Variants in MTA3 observed in about 807,000 individuals in gnomAD.
The protein encoded by MTA3 is metastasis associated 1 family member 3.
In MTA3, 34 loss-of-function variants were observed where a neutral mutation model predicts 83.5. The observed-to-expected ratio is 0.41, with a 90% CI of 0.31 to 0.54. MTA3 has a LOEUF of 0.54. Among genes scored for constraint, MTA3 ranks in the 20% least tolerant of loss-of-function variants. The pLI is 0.33. For synonymous variants in MTA3, 303 were observed against 252.7 expected (o/e 1.20, Z -1.89); for missense variants, 761 against 726.4 (o/e 1.05, Z -0.55).
At chr2:42,560,567 A>G (rs971360765) in intron 2 of MTA3, among the ~76,000 whole-genome samples, 1 of 151,370 alleles carries the variant, frequency 6.6e-6, no homozygotes, top group East Asian at 1.9e-4. Context: ...AAAAAACAAA[A>G]AACAACAAAA....
chr2:42,500,581 T>G (rs1319076348), intron 2 of MTA3, among the ~76,000 whole-genome samples: 2 of 151,922 alleles, frequency 1.3e-5, no homozygotes, highest in Non-Finnish European at 2.9e-5. Flanking sequence ...AACGTAAAAG[T>G]TCTCAGATAT....
At chr2:42,514,688 T>TTTTTTTTTTTTTTTTTTG (rs1675059432) in intron 2 of MTA3, among the ~76,000 whole-genome samples, 1 of 122,838 alleles carries the variant, frequency 8.1e-6, no homozygotes, top group Admixed American at 8.4e-5. Context: ...GCCCCTTTTT[T>TTTTTTTTTTTTTTTTTTG]TTTTTTTTTT....
chr2:42,531,044 G>C (rs1675940904), intron 2 of MTA3, among the ~76,000 whole-genome samples: 1 of 152,134 alleles, frequency 6.6e-6, no homozygotes, highest in Non-Finnish European at 1.5e-5. Flanking sequence ...TGGCCAGGCT[G>C]GTCCTGAACT....
chr2:42,627,177 A>C (rs1048957216), intron 4 of MTA3, among the ~76,000 whole-genome samples: 7 of 152,074 alleles, frequency 4.6e-5, no homozygotes, highest in Non-Finnish European at 8.8e-5. Flanking sequence ...TCCTGGGCTC[A>C]AGCGATCCTC....
At chr2:42,626,859 G>A (rs758600537) in intron 4 of MTA3, among the ~76,000 whole-genome samples, 6 of 151,802 alleles carry the variant, frequency 4.0e-5, no homozygotes, top group Non-Finnish European at 8.8e-5. Context: ...TTGTGCCTCA[G>A]CCTCCCAAGT....
intron 2 of MTA3, chr2:42,511,777 G>A (rs892548934): frequency 2.6e-5 from 4 of 152,188 alleles, no homozygotes; most frequent in African/African-American, 9.7e-5. Flanking sequence ...CCAGCACTTT[G>A]GGAGGCTAAG....
intron 2 of MTA3, among the ~76,000 whole-genome samples, chr2:42,512,958 T>G (rs1364049656): frequency 6.6e-6 from 1 of 152,198 alleles, no homozygotes; most frequent in Admixed American, 6.5e-5. Context: ...ACTCCAATTT[T>G]AATGGCACCA....
At chr2:42,710,654 T>C (rs1422581970) in intron 14 of MTA3, among the ~76,000 whole-genome samples, 1 of 152,004 alleles carries the variant, frequency 6.6e-6, no homozygotes, top group African/African-American at 2.4e-5. Context: ...TTTAGGCTTA[T>C]ATTTAGGTTT....
At chr2:42,712,330 C>T (rs1224746905) in intron 14 of MTA3, among the ~76,000 whole-genome samples, 5 of 151,978 alleles carry the variant, frequency 3.3e-5, no homozygotes, top group Non-Finnish European at 7.4e-5. Context: ...CGGTCTTGCT[C>T]TGTTGCCCAT....
Position 42,708,015 on chromosome 2 carries a change from G to C in MTA3, c.1263G>C (p.Gln421His). 1 of 1,613,016 alleles carries C rather than the reference G, an allele frequency of 6.2e-7. No homozygotes were observed. Among genetic ancestry groups the C allele is most frequent in the African/African-American group, 1.3e-5 (1 of 74,980 alleles). ...ATGGAGGCTTGAAAATGCCCACCCA[G>C]TCAGAAGAAGAGAAGTTATCTCCTA... is the stretch of plus-strand genomic sequence containing the variant. ...KKYGGLKMPT[Q>H]SEEEKLSPSP... The change falls in exon 13 of 17, where the codon CAG becomes CAC. Residue 421 changes from glutamine to histidine, a missense_variant. Coordinates refer to ENST00000405094, the MANE Select transcript of MTA3 (RefSeq NM_001330442.2).
intron 2 of MTA3, among the ~76,000 whole-genome samples, chr2:42,537,277 A>G (rs1340668665): frequency 2.6e-5 from 4 of 152,042 alleles, no homozygotes; most frequent in South Asian, 2.1e-4. Context: ...AAAGTTATCA[A>G]TGTTGGCCAG....
intron 2 of MTA3, among the ~76,000 whole-genome samples, chr2:42,554,384 G>C (rs537146389): frequency 1.3e-3 from 192 of 152,318 alleles, no homozygotes; most frequent in Middle Eastern, 3.4e-3. Context: ...AATAAGTGTT[G>C]AACTGAGTTG....
intron 6 of MTA3, among the ~76,000 whole-genome samples, chr2:42,651,956 C>G (rs917118066): frequency 6.6e-6 from 1 of 151,944 alleles, no homozygotes; most frequent in Non-Finnish European, 1.5e-5. Flanking sequence ...ATTAGCTGGT[C>G]ATGGTGGTGG....
chr2:42,620,254 A>C lies in MTA3; in HGVS notation c.317+10670A>C, dbSNP rs536589751. On this transcript the variant is annotated intron_variant, in intron 4 of 16. Transcript: ENST00000405094. ...CTGCCTCAGCCTCCCGAGTAGCTGG[A>C]ATTACAGATGTGCACTGCCACGCCT... Among the ~76,000 whole-genome samples, 18 of 151,496 alleles carry C rather than the reference A, an allele frequency of 1.2e-4. No homozygotes were observed. The East Asian group carries it at 3.3e-3, about 28-fold the overall frequency.
At chr2:42,650,140 G>A (rs1688577742) in intron 6 of MTA3, among the ~76,000 whole-genome samples, 3 of 152,142 alleles carry the variant, frequency 2.0e-5, no homozygotes, top group South Asian at 4.1e-4. Context: ...GTTTAAGCAG[G>A]TATTGATTGC....
At chr2:42,667,580 G>A (rs866811933) in intron 8 of MTA3, among the ~76,000 whole-genome samples, 12 of 127,294 alleles carry the variant, frequency 9.4e-5, no homozygotes, top group African/African-American at 2.1e-4. Context: ...TTGTGTGTGT[G>A]TGTGTGTGTG....
chr2:42,578,615 A>T lies in MTA3; in HGVS notation c.97-492A>T, dbSNP rs150865570. 1.7e-3 allele frequency among the ~76,000 whole-genome samples: 258 copies of T among 152,326 alleles called. 3 individuals carry two copies. The highest frequency in any genetic ancestry group is 5.4e-3 in the African/African-American group (223 of 41,576). Reference sequence around the variant, plus strand: ...ACCTGCAGAGCTTCACTGTCCATGGAACATGGGATACTTAGGGGAGGGCTT... The same window carrying T: ...ACCTGCAGAGCTTCACTGTCCATGGTACATGGGATACTTAGGGGAGGGCTT... On this transcript the variant is annotated intron_variant, in intron 2 of 16. Transcript: ENST00000405094.
At chr2:42,626,987 T>C (rs1304411036) in intron 4 of MTA3, among the ~76,000 whole-genome samples, 1 of 152,158 alleles carries the variant, frequency 6.6e-6, no homozygotes, top group Non-Finnish European at 1.5e-5. Context: ...GTGATCTGCC[T>C]GTCTTGGCCT....
chr2:42,635,851 C>T (rs1305342318), intron 4 of MTA3, among the ~76,000 whole-genome samples: 1 of 152,050 alleles, frequency 6.6e-6, no homozygotes, highest in Non-Finnish European at 1.5e-5. Context: ...ACTGCACCTC[C>T]TTCTCCCAGG....
Sources: allele counts gnomAD v4.1 joint callset (sites outside exome capture counted in the v4.1 genomes callset), GRCh38; gene constraint gnomAD v4.1.1; transcripts MANE v1.5; gene names NCBI Gene and HGNC (gene_info 2026-07-23, HGNC 2026-07-21).